DACT3: variants seen among roughly 807,000 people sequenced by gnomAD.
DACT3 encodes dishevelled binding antagonist of beta catenin 3.
In DACT3, 5 loss-of-function variants were observed where a neutral mutation model predicts 19.6. That is an observed-to-expected ratio of 0.26 (90% CI 0.13 to 0.54). The LOEUF (loss-of-function observed/expected upper bound fraction) is 0.54. Among genes scored for constraint, DACT3 ranks in the 20% least tolerant of loss-of-function variants. DACT3 has a pLI of 0.95. For synonymous variants in DACT3, 454 were observed against 428.1 expected (o/e 1.06, Z -0.75); for missense variants, 908 against 927.4 (o/e 0.98, Z 0.27).
rs1271242265 is a variant in DACT3 at position 46,654,304 on chromosome 19, G to A, written c.250-1229C>T. On this transcript the variant is annotated intron_variant, in intron 1 of 3. Transcript: ENST00000391916. ...GAGTTGGAACCAGCCTGGCCAATAT[G>A]GTGAAACCTTGTCTCCCTTAAAAAT... 4 of 727,522 alleles carry A rather than the reference G, an allele frequency of 5.5e-6. No individual in the cohort carries two copies. The African/African-American group carries it at 5.8e-5, about 10-fold the overall frequency. 45.1% of individuals were successfully genotyped at this position (727,522 alleles called of 1,614,324 possible).
At chr19:46,659,143 GAGA>G in intron 1 of DACT3, 1 of 985,176 alleles carries the variant, frequency 1.0e-6, no homozygotes, top group Non-Finnish European at 1.2e-6. Flanking sequence ...CCCAGCACTA[GAGA>G]AGTTTATATT....
In DACT3 at chr19:46,659,868, C is replaced by T. The variant is rs147480916; in HGVS notation, c.249+948G>A. Among the ~76,000 whole-genome samples, 726 of 152,158 alleles carry T rather than the reference C, an allele frequency of 4.8e-3. 7 individuals are homozygous for T. Among genetic ancestry groups the T allele is most frequent in the African/African-American group, 0.016 (683 of 41,500 alleles). On this transcript the variant is annotated intron_variant, in intron 1 of 3. Coordinates refer to ENST00000391916, the MANE Select transcript of DACT3 (RefSeq NM_145056.3). ...CAAGAAGAAGAGAGCGAGGTGCAGA[C>T]AGGCAGGAAGGGAAGGCCAAGGAGA...
rs542382296 is a variant in DACT3, at chr19:46,652,670, G to T, written c.489C>A (p.Pro163=). 306 of 1,551,124 alleles carry T rather than the reference G, an allele frequency of 2.0e-4. 1 individual carries two copies. In the African/African-American group the frequency reaches 3.4e-3, roughly 17 times the overall value. The part of the protein sequence containing the change: ...EPRGIYASER[P]KSLGDASPSA... ...CCTCACCCACCTTACCTAGGGACTT[G>T]GGCCTCTCACTGGCATAGATGCCCC... The change falls in exon 3 of 4, where the codon CCC becomes CCA. Residue 163 remains proline, a synonymous_variant. Coordinates refer to ENST00000391916, the MANE Select transcript of DACT3 (RefSeq NM_145056.3).
chr19:46,660,868 T>C lies in DACT3; in HGVS notation c.197A>G (p.Asp66Gly), dbSNP rs2053070395. 6.6e-7 allele frequency: 1 copy of C among 1,524,310 alleles called. No homozygotes were observed. Among genetic ancestry groups the C allele is most frequent in the African/African-American group, 1.4e-5 (1 of 71,618 alleles). The allele number at this position is 1,524,310 out of a possible 1,614,324, so 94.4% of individuals were successfully genotyped here. A position where few individuals can be genotyped will look rare whatever the true frequency, so the allele number is the denominator to read the frequency against. ...CCGGCGCGCCGCCGCCGCATCTTCATCCTCATCGGCGTCCTCCTCGTCCTC... is the reference window on the plus strand; with the variant it reads ...CCGGCGCGCCGCCGCCGCATCTTCACCCTCATCGGCGTCCTCCTCGTCCTC... ...EAEDEEDADE[D>G]EDAAAARRAA... The change falls in exon 1 of 4, where the codon GAT becomes GGT. Residue 66 changes from aspartate to glycine, a missense_variant. By Grantham distance (94) the Asp-to-Gly change is moderately conservative. This residue lies in a region of DACT3 where 252 missense variants were observed against 325.6 expected (regional missense o/e 0.77). Transcript: ENST00000391916. This position sits in a 1 kb window ranked among gnomAD's most constrained non-coding sequence, Gnocchi z 4.9.
rs555796092 is a variant in DACT3 at position 46,652,458 on chromosome 19, C to T, written c.499+202G>A. 2.2e-5 allele frequency: 14 copies of T among 628,958 alleles called. No individual in the cohort carries two copies. The Admixed American group carries it at 2.7e-4, about 12-fold the overall frequency. The allele number at this position is 628,958 out of a possible 1,614,324, so 39.0% of individuals were successfully genotyped here. A position where few individuals can be genotyped will look rare whatever the true frequency, so the allele number is the denominator to read the frequency against. On this transcript the variant is annotated intron_variant, in intron 3 of 3. Transcript: ENST00000391916. ...CCTCCCAAAGTGCTGGGATTACAGG[C>T]GTGAGCCACCGCACCCAGCCATATT...
At position 46,648,595 on chromosome 19, in the gene DACT3, C is replaced by G; in HGVS notation, c.1777G>C (p.Gly593Arg). The G allele has an allele frequency of 6.2e-7, 1 of 1,613,526 alleles. No individual in the cohort carries two copies. Among genetic ancestry groups the G allele is most frequent in the Non-Finnish European group, 8.5e-7 (1 of 1,179,754 alleles). Residue 593 changes from glycine to arginine, a missense_variant, in exon 4 of 4, where the codon GGG becomes CGG. Physicochemically the swap from Gly to Arg is moderately radical, Grantham distance 125 (BLOSUM62 -2). Coordinates refer to ENST00000391916, the MANE Select transcript of DACT3 (RefSeq NM_145056.3). This position sits in a 1 kb window ranked among gnomAD's most constrained non-coding sequence, Gnocchi z 5.1. ...ACTTTGGCGGGGCCTGCGGGCGCCC[C>G]TGCACCTGCTCCACCCCCAGAGGCC... Reference protein sequence around the residue: ...TAASGGGAGAGAPAGPAKVFV... With the variant: ...TAASGGGAGARAPAGPAKVFV...
intron 1 of DACT3, among the ~76,000 whole-genome samples, chr19:46,653,797 A>C (rs1269504493): frequency 6.6e-6 from 1 of 151,866 alleles, no homozygotes; most frequent in African/African-American, 2.4e-5. Context: ...CAGGTGATCC[A>C]CCTGCCTCAG....
chr19:46,648,762 G>A lies in DACT3; in HGVS notation c.1610C>T (p.Pro537Leu), dbSNP rs753797793. 1.9e-6 allele frequency: 3 copies of A among 1,564,340 alleles called. No homozygotes were observed. Among genetic ancestry groups the A allele is most frequent in the South Asian group, 1.1e-5 (1 of 88,556 alleles). ...GRLGPLGRRG[P>L]AGGVGGGYGE... ...GTAACCCCCGCCGACGCCTCCCGCA[G>A]GCCCCCGGCGTCCCAGGGGCCCCAG... Residue 537 changes from proline (P) to leucine (L), a missense_variant, in exon 4 of 4, where the codon CCT (proline) becomes CTT (leucine). By Grantham distance (98) the Pro-to-Leu change is moderately conservative. This residue lies in a region of DACT3 where 656 missense variants were observed against 601.8 expected (regional missense o/e 1.09). Coordinates refer to ENST00000391916, the MANE Select transcript of DACT3 (RefSeq NM_145056.3). The surrounding 1 kb of genome is among the most constrained non-coding windows in gnomAD (Gnocchi z 5.1).
At chr19:46,654,127 C>T (rs1443140674) in intron 1 of DACT3, 1 of 985,300 alleles carries the variant, frequency 1.0e-6, no homozygotes, top group Admixed American at 6.2e-5. Flanking sequence ...CATCCTCCTT[C>T]TGCCTTTGGT....
rs1277198848 is a variant in DACT3, at chr19:46,649,476, G to C, written c.896C>G (p.Ala299Gly). The C allele has an allele frequency of 2.2e-5, 25 of 1,152,384 alleles. No homozygotes were observed. Among genetic ancestry groups the C allele is most frequent in the Non-Finnish European group, 2.4e-5 (23 of 938,934 alleles). The allele number at this position is 1,152,384 out of a possible 1,614,324, so 71.4% of individuals were successfully genotyped here. A position where few individuals can be genotyped will look rare whatever the true frequency, so the allele number is the denominator to read the frequency against. The change falls in exon 4 of 4, where the codon GCG (alanine) becomes GGG (glycine). Residue 299 changes from alanine (A) to glycine (G), a missense_variant. Physicochemically the swap from Ala to Gly is moderately conservative, Grantham distance 60 (BLOSUM62 0). Coordinates refer to ENST00000391916, the MANE Select transcript of DACT3 (RefSeq NM_145056.3). ...CAACGAGGGCTCCCGCGCGGGTCGCGCGCTGCCGGGGGACGGAGACGCGTC... is the reference window on the plus strand; with the variant it reads ...CAACGAGGGCTCCCGCGCGGGTCGCCCGCTGCCGGGGGACGGAGACGCGTC... ...PPDASPSPGSARPAREPSLER... is the reference protein window; with the variant it reads ...PPDASPSPGSGRPAREPSLER...
chr19:46,657,833 C>G (rs1007269543), intron 1 of DACT3, among the ~76,000 whole-genome samples: 2 of 152,050 alleles, frequency 1.3e-5, no homozygotes, highest in Non-Finnish European at 2.9e-5. Context: ...GGGAGGATCA[C>G]TTGAGGCCAG....
In DACT3 at chr19:46,649,157, G is replaced by A; in HGVS notation, c.1215C>T (p.Arg405=). 1 of 1,229,100 alleles carries A rather than the reference G, an allele frequency of 8.1e-7. No homozygotes were observed. The highest frequency in any genetic ancestry group is 3.0e-5 in the South Asian group (1 of 32,828). The allele number at this position is 1,229,100 out of a possible 1,614,324, so 76.1% of individuals were successfully genotyped here. The part of the protein sequence containing the change: ...ERPRAAGRRG[R]MAEASGRRGS... ...CGCGGCGGCCCGAAGCCTCGGCCAT[G>A]CGTCCACGGCGGCCGGCGGCCCGGG... The change falls in exon 4 of 4, where the codon CGC becomes CGT. Residue 405 remains arginine, a synonymous_variant. Transcript: ENST00000391916.
At chr19:46,658,347 C>T (rs1348850692) in intron 1 of DACT3, among the ~76,000 whole-genome samples, 1 of 152,064 alleles carries the variant, frequency 6.6e-6, no homozygotes, top group Non-Finnish European at 1.5e-5. Context: ...GAGCTATGAT[C>T]GTGCCACTGC....
At position 46,649,436 on chromosome 19, in the gene DACT3, G is replaced by A; in HGVS notation, c.936C>T (p.Gly312=). 8.1e-7 allele frequency: 1 copy of A among 1,239,612 alleles called. No individual in the cohort carries two copies. Among genetic ancestry groups the A allele is most frequent in the Non-Finnish European group, 1.0e-6 (1 of 983,762 alleles). The allele number at this position is 1,239,612 out of a possible 1,614,324, so 76.8% of individuals were successfully genotyped here. Residue 312 remains glycine (G), a synonymous_variant, in exon 4 of 4, where the codon GGC becomes GGT. Transcript: ENST00000391916. ...TCAAGGCGGCAGGGCTGGTGGGGTGGCCCCCGACGCGCTCCAACGAGGGCT... is the reference window on the plus strand; with the variant it reads ...TCAAGGCGGCAGGGCTGGTGGGGTGACCCCCGACGCGCTCCAACGAGGGCT... ...AREPSLERVG[G]HPTSPAALSR...
At position 46,649,607 on chromosome 19, in the gene DACT3, C is replaced by CGCAGATGTAGGA; in HGVS notation, c.764_765insTCCTACATCTGC (p.Ala255_Leu256insProThrSerAla). 5 of 1,130,460 alleles carry CGCAGATGTAGGA rather than the reference C, an allele frequency of 4.4e-6. No individual in the cohort carries two copies. Among genetic ancestry groups the CGCAGATGTAGGA allele is most frequent in the Non-Finnish European group, 5.4e-6 (5 of 919,610 alleles). The allele number at this position is 1,130,460 out of a possible 1,614,324, so 70.0% of individuals were successfully genotyped here. The stretch of plus-strand genomic sequence containing the variant: ...CCCGGCGGCGGCGCCTGCGCAGGAG[C>CGCAGATGTAGGA]GCCGAGATGTAGCCGTCCAGGGGCC... On this transcript the variant is annotated inframe_insertion, in exon 4 of 4. Coordinates refer to ENST00000391916, the MANE Select transcript of DACT3 (RefSeq NM_145056.3).
At chr19:46,658,981 C>A (rs2053052881) in intron 1 of DACT3, 1 of 628,060 alleles carries the variant, frequency 1.6e-6, no homozygotes, top group Non-Finnish European at 2.0e-6. Context: ...CCCATCATTC[C>A]TATTAGAAAG....
At chr19:46,659,503 AG>A in intron 1 of DACT3, 5 of 981,680 alleles carry the variant, frequency 5.1e-6, no homozygotes, top group Non-Finnish European at 6.0e-6. Flanking sequence ...GAGCTAGCGA[AG>A]GCCCCCACAA....
At chr19:46,655,925 C>CTCTCTCTATATATATATA (rs980735397) in intron 1 of DACT3, among the ~76,000 whole-genome samples, 1 of 137,898 alleles carries the variant, frequency 7.3e-6, no homozygotes, top group African/African-American at 2.7e-5. Flanking sequence ...CTCTCTCTCT[C>CTCTCTCTATATATATATA]TATATATATA....
Position 46,649,800 on chromosome 19 carries a change from TAGGGCGCTGAGA to T in DACT3, c.560_571del (p.Phe187_Pro190del). On this transcript the variant is annotated inframe_deletion, in exon 4 of 4. Transcript: ENST00000391916. Reference sequence around the variant, plus strand: ...GCCGGCGGACCCCCCTGCCGTCGGGTAGGGCGCTGAGAAGGACCGCGGCACCGCTGCCCGCGC... The same window carrying T: ...GCCGGCGGACCCCCCTGCCGTCGGGTAGGACCGCGGCACCGCTGCCCGCGC... 5 of 1,377,490 alleles carry T rather than the reference TAGGGCGCTGAGA, an allele frequency of 3.6e-6. No individual in the cohort carries two copies. Among genetic ancestry groups the T allele is most frequent in the Non-Finnish European group, 4.7e-6 (5 of 1,070,620 alleles). 85.3% of individuals were successfully genotyped at this position (1,377,490 alleles called of 1,614,324 possible). A position where few individuals can be genotyped will look rare whatever the true frequency, so the allele number is the denominator to read the frequency against.
Sources: allele counts gnomAD v4.1 joint callset (sites outside exome capture counted in the v4.1 genomes callset), GRCh38; gene constraint gnomAD v4.1.1; regional missense constraint gnomAD v4.1.1; non-coding constraint Gnocchi (gnomAD v3.1); transcripts MANE v1.5; gene names NCBI Gene and HGNC (gene_info 2026-07-23, HGNC 2026-07-21).